Variants in RNF150 observed in about 807,000 individuals in gnomAD.
RNF150 encodes ring finger protein 150.
RNF150 carries 24 observed loss-of-function variants against 39.3 expected under a neutral mutation model. The observed-to-expected ratio is 0.61, with a 90% confidence interval of 0.44 to 0.86. RNF150 has a LOEUF of 0.86. Among genes scored for constraint, RNF150 ranks in the 40% least tolerant of loss-of-function variants. The probability of loss-of-function intolerance (pLI) is 0.00; values close to 1 mark genes in which losing one functional copy is unlikely to be tolerated. For missense variants in RNF150, 502 were observed against 587.8 expected (o/e 0.85, Z 1.51); for synonymous variants, 255 against 227.3 (o/e 1.12, Z -1.10).
At chr4:141,066,047 T>C (rs1382276729) in intron 1 of RNF150, among the ~76,000 whole-genome samples, 2 of 152,020 alleles carry the variant, frequency 1.3e-5, no homozygotes, top group Non-Finnish European at 2.9e-5. Context: ...ATTCTACTTG[T>C]CTTCTAACCC....
At chr4:141,143,015 G>A (rs1018463573) in intron 1 of RNF150, among the ~76,000 whole-genome samples, 4 of 151,994 alleles carry the variant, frequency 2.6e-5, no homozygotes, top group Non-Finnish European at 5.9e-5. Flanking sequence ...GACTACAGGC[G>A]CACACAGCCA....
At chr4:140,970,776 A>G (rs948737888) in intron 1 of RNF150, among the ~76,000 whole-genome samples, 1 of 152,126 alleles carries the variant, frequency 6.6e-6, no homozygotes, top group Non-Finnish European at 1.5e-5. Context: ...GACATATAAT[A>G]TCCACTTAGA....
intron 1 of RNF150, among the ~76,000 whole-genome samples, chr4:141,077,580 G>A (rs1737942792): frequency 6.6e-6 from 1 of 152,226 alleles, no homozygotes; most frequent in Admixed American, 6.5e-5. Flanking sequence ...AAGAGAGAAG[G>A]GAGAGATGAA....
chr4:140,983,533 A>G (rs1189169436), intron 1 of RNF150, among the ~76,000 whole-genome samples: 5 of 152,132 alleles, frequency 3.3e-5, no homozygotes, highest in Admixed American at 1.3e-4. Context: ...ACAGTGTATA[A>G]TGCATGTAGA....
At chr4:140,886,103 A>T (rs1729563991) in intron 6 of RNF150, among the ~76,000 whole-genome samples, 1 of 142,678 alleles carries the variant, frequency 7.0e-6, no homozygotes, top group African/African-American at 2.6e-5. Context: ...AGGCAGGAGA[A>T]TGGTGTGAAC....
intron 6 of RNF150, among the ~76,000 whole-genome samples, chr4:140,890,942 C>T (rs1343376191): frequency 6.6e-6 from 1 of 152,094 alleles, no homozygotes; most frequent in East Asian, 1.9e-4. Context: ...TTTTGGCTTT[C>T]CAGAAAATAA....
chr4:140,911,656 G>T (rs370326780), intron 5 of RNF150, among the ~76,000 whole-genome samples: 1 of 151,912 alleles, frequency 6.6e-6, no homozygotes. Flanking sequence ...ATCACTTAGG[G>T]GGAATATGTG....
At chr4:140,898,746 A>G (rs2111244793) in intron 6 of RNF150, among the ~76,000 whole-genome samples, 1 of 149,776 alleles carries the variant, frequency 6.7e-6, no homozygotes, top group South Asian at 2.2e-4. Context: ...TCATGCTTAA[A>G]CTTTGATTTC....
chr4:140,922,816 C>T (rs1731214859), intron 5 of RNF150, among the ~76,000 whole-genome samples: 1 of 151,218 alleles, frequency 6.6e-6, no homozygotes, highest in African/African-American at 2.5e-5. Flanking sequence ...AATAATGCCG[C>T]ATATCTACAA....
At chr4:140,928,985 T>A (rs1473902800) in intron 4 of RNF150, among the ~76,000 whole-genome samples, 1 of 152,186 alleles carries the variant, frequency 6.6e-6, no homozygotes, top group African/African-American at 2.4e-5. Context: ...CACTGTTGCA[T>A]CCTGGCAACC....
Position 140,864,106 on chromosome 4 carries a change from A to G in RNF150, c.*4155T>C, listed in dbSNP as rs1490029796. On this transcript the variant is annotated 3_prime_UTR_variant, in exon 7 of 7. Transcript: ENST00000515673. ...TTTCACCAGGATGAAGGAAATGTTA[A>G]AAACAAGAAAACAAAACAAAACAAA... 1 of 152,252 alleles carries G rather than the reference A, an allele frequency of 6.6e-6. No homozygotes were observed. The highest frequency in any genetic ancestry group is 1.5e-5 in the Non-Finnish European group (1 of 68,054). 9.4% of individuals were successfully genotyped at this position (152,252 alleles called of 1,614,324 possible).
At chr4:141,063,298 A>G (rs1247723728) in intron 1 of RNF150, among the ~76,000 whole-genome samples, 3 of 152,380 alleles carry the variant, frequency 2.0e-5, no homozygotes, top group Non-Finnish European at 4.4e-5. Flanking sequence ...TAAATAAACA[A>G]AATTTCAAAG....
chr4:141,108,447 T>G (rs112959168), intron 1 of RNF150, among the ~76,000 whole-genome samples: 33 of 152,314 alleles, frequency 2.2e-4, no homozygotes, highest in African/African-American at 7.7e-4. Context: ...ATTTAGCACT[T>G]CCCATGTGCC....
At chr4:140,887,344 A>G (rs1291216227) in intron 6 of RNF150, among the ~76,000 whole-genome samples, 1 of 152,222 alleles carries the variant, frequency 6.6e-6, no homozygotes, top group Non-Finnish European at 1.5e-5. Context: ...CATAACGCAC[A>G]ATGCTACGCA....
intron 1 of RNF150, among the ~76,000 whole-genome samples, chr4:141,192,060 A>G (rs1487941189): frequency 6.6e-6 from 1 of 152,142 alleles, no homozygotes; most frequent in Non-Finnish European, 1.5e-5. Flanking sequence ...ACCCAACATT[A>G]TTATGGCTTC....
intron 1 of RNF150, among the ~76,000 whole-genome samples, chr4:141,102,574 A>G (rs1178151411): frequency 2.0e-5 from 3 of 152,200 alleles, no homozygotes; most frequent in Non-Finnish European, 2.9e-5. Flanking sequence ...AGTGTCCACT[A>G]ACAAGAATAA....
intron 6 of RNF150, among the ~76,000 whole-genome samples, chr4:140,895,508 TA>T (rs1223813164): frequency 6.6e-6 from 1 of 152,162 alleles, no homozygotes; most frequent in African/African-American, 2.4e-5. Flanking sequence ...TTCATCAAGA[TA>T]GGAAAATAAA....
chr4:140,878,963 T>G (rs989156758), intron 6 of RNF150, among the ~76,000 whole-genome samples: 1 of 152,248 alleles, frequency 6.6e-6, no homozygotes, highest in Non-Finnish European at 1.5e-5. Flanking sequence ...CCAATTACTT[T>G]CTTTTGCAAT....
intron 6 of RNF150, among the ~76,000 whole-genome samples, chr4:140,888,004 T>C (rs939473980): frequency 9.2e-5 from 14 of 152,234 alleles, no homozygotes; most frequent in African/African-American, 3.4e-4. Context: ...TCCAGTCTAT[T>C]TAAGGTTTTT....
Sources: gnomAD v4.1 joint callset for allele counts (sites outside exome capture counted in the v4.1 genomes callset) on GRCh38, gnomAD v4.1.1 for gene constraint, MANE v1.5 for transcripts, NCBI Gene and HGNC (gene_info 2026-07-23, HGNC 2026-07-21) for gene names.